The following GOLGA2 variants were observed in gnomAD, a reference collection of about 807,000 sequenced individuals.
The protein encoded by GOLGA2 is golgin A2.
In GOLGA2, 49 loss-of-function variants were observed where a neutral mutation model predicts 148.8. The observed-to-expected ratio is 0.33, with a 90% confidence interval of 0.26 to 0.42. The LOEUF (loss-of-function observed/expected upper bound fraction) is 0.42. Ranked by LOEUF, GOLGA2 falls within the 10% of genes least tolerant of loss-of-function variation. The probability of loss-of-function intolerance (pLI) is 1.00; values close to 1 mark genes in which losing one functional copy is unlikely to be tolerated. For missense variants in GOLGA2, 1,178 were observed against 1,304.6 expected, an observed-to-expected ratio of 0.90 and a Z score of 1.49; for synonymous variants, 501 against 511.8, an observed-to-expected ratio of 0.98 and a Z score of 0.28.
chr9:128,261,914 A>C lies in GOLGA2; in HGVS notation c.1135-157T>G. The C allele has an allele frequency of 3.3e-6, 2 of 599,804 alleles. No homozygotes were observed. Among genetic ancestry groups the C allele is most frequent in the South Asian group, 2.1e-5 (1 of 48,680 alleles). The allele number at this position is 599,804 out of a possible 1,614,324, so 37.2% of individuals were successfully genotyped here. On this transcript the variant is annotated intron_variant, in intron 14 of 26. Transcript: ENST00000611957. This position sits in a 1 kb window ranked among gnomAD's most constrained non-coding sequence, Gnocchi z 5.7. The stretch of plus-strand genomic sequence containing the variant: ...TTAGAAATAAAAAATAATTTTAAAA[A>C]GATCTCAGGCCAGGCATGGTGGCTG...
chr9:128,269,369 C>A (rs138874331), intron 3 of GOLGA2, among the ~76,000 whole-genome samples: 5 of 152,226 alleles, frequency 3.3e-5, no homozygotes, highest in Non-Finnish European at 7.4e-5. Context: ...ACACCCCCAC[C>A]CCGACCTCTT....
rs949538957 is a variant in GOLGA2, at chr9:128,259,262, G to A, written c.2002C>T (p.Leu668=). ...SEKEVLHNQL[L]LQTQLVDQLQ... ...TGGTCCACGAGCTGGGTCTGCAGCAGTAGCTGATTATGCAGCACCTCCTTC... is the reference window on the plus strand; with the variant it reads ...TGGTCCACGAGCTGGGTCTGCAGCAATAGCTGATTATGCAGCACCTCCTTC... Residue 668 remains leucine, a synonymous_variant, in exon 20 of 27, where the codon CTG becomes TTG. Coordinates refer to ENST00000611957, the MANE Select transcript of GOLGA2 (RefSeq NM_001366244.2). 1.9e-6 allele frequency: 3 copies of A among 1,610,174 alleles called. No individual in the cohort carries two copies. The highest frequency in any genetic ancestry group is 2.7e-5 in the African/African-American group (2 of 74,978).
chr9:128,257,003 G>T lies in GOLGA2; in HGVS notation c.*64C>A. 1 of 1,201,366 alleles carries T rather than the reference G, an allele frequency of 8.3e-7. No homozygotes were observed. Among genetic ancestry groups the T allele is most frequent in the South Asian group, 1.3e-5 (1 of 75,068 alleles). The allele number at this position is 1,201,366 out of a possible 1,614,324, so 74.4% of individuals were successfully genotyped here. ...AAGGGTTGACTGAGAAGGGATGGTA[G>T]GGATATGGTGGGGGCAGGGTATCCA... On this transcript the variant is annotated 3_prime_UTR_variant, in exon 27 of 27. Coordinates refer to ENST00000611957, the MANE Select transcript of GOLGA2 (RefSeq NM_001366244.2). The surrounding 1 kb of genome is among the most constrained non-coding windows in gnomAD (Gnocchi z 8.0).
chr9:128,269,372 G>A (rs1479947212), intron 3 of GOLGA2, among the ~76,000 whole-genome samples: 1 of 150,960 alleles, frequency 6.6e-6, no homozygotes, highest in Non-Finnish European at 1.5e-5. Context: ...CCCCCACCCC[G>A]ACCTCTTACC....
chr9:128,263,153 T>C (rs1830379370), intron 12 of GOLGA2, 61 bp from the exon 13 acceptor site: 2 of 934,002 alleles, frequency 2.1e-6, no homozygotes, highest in African/African-American at 1.6e-5. Context: ...GGCCAACCAG[T>C]AACAACAGCT....
chr9:128,257,579 C>T lies in GOLGA2; in HGVS notation c.2718+22G>A. 6.2e-7 allele frequency: 1 copy of T among 1,614,084 alleles called. No individual in the cohort carries two copies. The highest frequency in any genetic ancestry group is 8.5e-7 in the Non-Finnish European group (1 of 1,179,950). ...CCCATGCCCGTGCCCACCTCCACCCCCAGAGATGTTCCACACCCTACCTTC... is the reference window on the plus strand; with the variant it reads ...CCCATGCCCGTGCCCACCTCCACCCTCAGAGATGTTCCACACCCTACCTTC... On this transcript the variant is annotated intron_variant, in intron 25 of 26. Transcript: ENST00000611957. This position sits in a 1 kb window ranked among gnomAD's most constrained non-coding sequence, Gnocchi z 8.0.
chr9:128,275,835 C>A, intron 1 of GOLGA2, 58 bp downstream of exon 1: 2 of 897,964 alleles, frequency 2.2e-6, no homozygotes, highest in Non-Finnish European at 3.5e-6. Flanking sequence ...TGGCCATGGT[C>A]CTGCCATCGG....
intron 8 of GOLGA2, 176 bp downstream of exon 8, chr9:128,267,018 G>C: frequency 1.6e-6 from 1 of 645,066 alleles, no homozygotes; most frequent in African/African-American, 1.8e-5. Flanking sequence ...GGCAGCAACA[G>C]AAGAGCCATG....
chr9:128,267,615 T>C (rs2131370709), intron 6 of GOLGA2, 98 bp from the exon 7 acceptor site: 1 of 920,604 alleles, frequency 1.1e-6, no homozygotes, highest in East Asian at 2.4e-5. Flanking sequence ...CATTTTCTTT[T>C]CTAACTTGGA....
At position 128,260,764 on chromosome 9, in the gene GOLGA2, C is replaced by T. The variant is rs568691669; in HGVS notation, c.1459G>A (p.Glu487Lys). 1.5e-4 allele frequency: 240 copies of T among 1,612,048 alleles called. 1 individual carries two copies. In the East Asian group the frequency reaches 5.2e-3, roughly 35 times the overall value. The change falls in exon 18 of 27, where the codon GAG (glutamate) becomes AAG (lysine). Residue 487 changes from glutamate (E) to lysine (K), a missense_variant. Glu to Lys is a moderately conservative substitution (Grantham distance 56, BLOSUM62 1). Transcript: ENST00000611957. The surrounding 1 kb of genome is among the most constrained non-coding windows in gnomAD (Gnocchi z 4.8). Reference sequence around the variant, plus strand: ...TCCGCTTGTAGCTGCTGCTCCACCTCGGAGGGCCCTGCTGGGGGCTCTGGG... The same window carrying T: ...TCCGCTTGTAGCTGCTGCTCCACCTTGGAGGGCCCTGCTGGGGGCTCTGGG... ...PPPEPPAGPSEVEQQLQAEAE... is the reference protein window; with the variant it reads ...PPPEPPAGPSKVEQQLQAEAE...
chr9:128,265,750 T>A lies in GOLGA2; in HGVS notation c.826+38A>T, dbSNP rs762828382. ...GACTCCCCCTAAAGGCCTGTCAAAG[T>A]GCCAGGTTGAAGGATGATGGGGTGC... is the stretch of plus-strand genomic sequence containing the variant. On this transcript the variant is annotated intron_variant, in intron 11 of 26. Coordinates refer to ENST00000611957, the MANE Select transcript of GOLGA2 (RefSeq NM_001366244.2). 12 of 1,610,858 alleles carry A rather than the reference T, an allele frequency of 7.4e-6. No homozygotes were observed. The highest frequency in any genetic ancestry group is 8.5e-6 in the Non-Finnish European group (10 of 1,177,002).
At position 128,257,028 on chromosome 9, in the gene GOLGA2, A is replaced by T. The variant is rs779501463; in HGVS notation, c.*39T>A. 7.6e-6 allele frequency: 11 copies of T among 1,442,068 alleles called. No homozygotes were observed. In the Admixed American group the frequency reaches 1.4e-4, roughly 18 times the overall value. The allele number at this position is 1,442,068 out of a possible 1,614,324, so 89.3% of individuals were successfully genotyped here. A position where few individuals can be genotyped will look rare whatever the true frequency, so the allele number is the denominator to read the frequency against. Reference sequence around the variant, plus strand: ...GGGATATGGTGGGGGCAGGGTATCCAGCCCCACTTCTTCAGGCTTTGCTGA... The same window carrying T: ...GGGATATGGTGGGGGCAGGGTATCCTGCCCCACTTCTTCAGGCTTTGCTGA... On this transcript the variant is annotated 3_prime_UTR_variant, in exon 27 of 27. Transcript: ENST00000611957. The surrounding 1 kb of genome is among the most constrained non-coding windows in gnomAD (Gnocchi z 8.0).
Position 128,256,952 on chromosome 9 carries a change from G to T in GOLGA2, c.*115C>A. ...CACCTGTCTACCCCCGTTAGACAGG[G>T]GTCTATGCTTGCTACTGTAAGGGTA... is the stretch of plus-strand genomic sequence containing the variant. On this transcript the variant is annotated 3_prime_UTR_variant, in exon 27 of 27. Transcript: ENST00000611957. 3 of 768,314 alleles carry T rather than the reference G, an allele frequency of 3.9e-6. No homozygotes were observed. Among genetic ancestry groups the T allele is most frequent in the Non-Finnish European group, 6.7e-6 (3 of 450,060 alleles). 47.6% of individuals were successfully genotyped at this position (768,314 alleles called of 1,614,324 possible). A position where few individuals can be genotyped will look rare whatever the true frequency, so the allele number is the denominator to read the frequency against.
chr9:128,267,953 A>G lies in GOLGA2; in HGVS notation c.482T>C (p.Leu161Pro). 6.2e-7 allele frequency: 1 copy of G among 1,610,468 alleles called. No homozygotes were observed. The highest frequency in any genetic ancestry group is 8.5e-7 in the Non-Finnish European group (1 of 1,177,346). Residue 161 changes from leucine (L) to proline (P), a missense_variant, in exon 6 of 27, where the codon CTC becomes CCC. Physicochemically the swap from Leu to Pro is moderately conservative, Grantham distance 98. This residue lies in a region of GOLGA2 where 304 missense variants were observed against 404.1 expected (regional missense o/e 0.75). Coordinates refer to ENST00000611957, the MANE Select transcript of GOLGA2 (RefSeq NM_001366244.2). ...TESLRQLSQQ[L>P]NGLVCESATC... ...AGGTACCTCACAAACAAGACCATTG[A>G]GCTGTTGGGAGAGTTGTCGCAGGCT... is the stretch of plus-strand genomic sequence containing the variant.
rs536574660 is a variant in GOLGA2, at chr9:128,267,096, G to T, written c.642+98C>A. The T allele has an allele frequency of 3.3e-3, 2,811 of 862,048 alleles. 6 individuals carry two copies. The highest frequency in any genetic ancestry group is 4.8e-3 in the Non-Finnish European group (2,360 of 496,442). 53.4% of individuals were successfully genotyped at this position (862,048 alleles called of 1,614,324 possible). On this transcript the variant is annotated intron_variant, in intron 8 of 26. Transcript: ENST00000611957. ...GCCCCCCAGCTCCCCATTCGCCCTT[G>T]GCACCAGGGGCCCCCTGCCCCTTTC...
Position 128,260,535 on chromosome 9 carries a change from C to T in GOLGA2, c.1688G>A (p.Ser563Asn), listed in dbSNP as rs920780117. Residue 563 changes from serine to asparagine, a missense_variant, in exon 18 of 27, where the codon AGC becomes AAC. Transcript: ENST00000611957. The surrounding 1 kb of genome is among the most constrained non-coding windows in gnomAD (Gnocchi z 4.8). ...ETMQNDRTTI[S>N]RALSQNRELK... Reference sequence around the variant, plus strand: ...CTCCCGGTTCTGGGAGAGTGCGCGGCTGATGGTAGTGCGGTCGTTCTGCAT... The same window carrying T: ...CTCCCGGTTCTGGGAGAGTGCGCGGTTGATGGTAGTGCGGTCGTTCTGCAT... 5.0e-6 allele frequency: 8 copies of T among 1,613,292 alleles called. No homozygotes were observed. In the African/African-American group the frequency reaches 1.1e-4, roughly 22 times the overall value.
In GOLGA2 at chr9:128,258,485, G is replaced by A; in HGVS notation, c.2259C>T (p.Ile753=). The part of the protein sequence containing the change: ...AVAVPQPMPS[I]PEDLESREAM... ...CTTCCCGGCTCTCCAGGTCCTCCGG[G>A]ATGCTTGGCATGGGCTGAGGTACTG... Residue 753 remains isoleucine, a synonymous_variant, in exon 22 of 27, where the codon ATC becomes ATT. Coordinates refer to ENST00000611957, the MANE Select transcript of GOLGA2 (RefSeq NM_001366244.2). This position sits in a 1 kb window ranked among gnomAD's most constrained non-coding sequence, Gnocchi z 6.6. The A allele has an allele frequency of 6.2e-7, 1 of 1,612,694 alleles. No homozygotes were observed. Among genetic ancestry groups the A allele is most frequent in the East Asian group, 2.2e-5 (1 of 44,812 alleles).
chr9:128,267,355 T>C (rs903595419), intron 7 of GOLGA2, 81 bp from the exon 8 acceptor site: 7 of 1,382,654 alleles, frequency 5.1e-6, no homozygotes, highest in Admixed American at 3.4e-5. Flanking sequence ...TTGGGGGGTG[T>C]GTGGGCTGTC....
intron 3 of GOLGA2, among the ~76,000 whole-genome samples, chr9:128,269,960 C>A (rs2416982): frequency 0.085 from 12,965 of 152,104 alleles, 1,024 homozygotes; most frequent in African/African-American, 0.21. Flanking sequence ...ACAATGCCTA[C>A]AACTGAATCT....
Sources: allele counts gnomAD v4.1 joint callset (sites outside exome capture counted in the v4.1 genomes callset), GRCh38; gene constraint gnomAD v4.1.1; regional missense constraint gnomAD v4.1.1; non-coding constraint Gnocchi (gnomAD v3.1); transcripts MANE v1.5; gene names NCBI Gene and HGNC (gene_info 2026-07-23, HGNC 2026-07-21).